Variants in FHOD3 observed in about 807,000 individuals in gnomAD.
The protein encoded by FHOD3 is FH1/FH2 domain-containing protein 3.
Under a neutral mutation model 173.0 loss-of-function variants are expected in FHOD3, and 90 were observed. The observed-to-expected ratio is 0.52, with a 90% CI of 0.44 to 0.62. The LOEUF is 0.62. Ranked by LOEUF, FHOD3 falls within the 20% of genes least tolerant of loss-of-function variation. The probability of loss-of-function intolerance (pLI) is 0.00; values close to 1 mark genes in which losing one functional copy is unlikely to be tolerated. For synonymous variants in FHOD3, 828 were observed against 823.0 expected (o/e 1.01, Z -0.10); for missense variants, 1,945 against 2,034.7 (o/e 0.96, Z 0.85).
chr18:36,590,344 A>G (rs1426443213), intron 6 of FHOD3, among the ~76,000 whole-genome samples: 3 of 152,208 alleles, frequency 2.0e-5, no homozygotes, highest in Non-Finnish European at 4.4e-5. Context: ...ACATGAGGGC[A>G]TCAGAGTAAG....
intron 24 of FHOD3, 142 bp downstream of exon 24, chr18:36,747,277 T>C: frequency 1.9e-6 from 1 of 521,972 alleles, no homozygotes; most frequent in Non-Finnish European, 3.2e-6. Context: ...GATACAGATG[T>C]TTAACAGTTT....
chr18:36,315,206 T>G (rs924239902), intron 1 of FHOD3, among the ~76,000 whole-genome samples: 3 of 152,238 alleles, frequency 2.0e-5, no homozygotes, highest in Non-Finnish European at 4.4e-5. Flanking sequence ...TTTTGAAAGA[T>G]ACCTGTGCAT....
chr18:36,652,891 C>T lies in FHOD3; in HGVS notation c.1608C>T (p.Ser536=). 6.5e-7 allele frequency: 1 copy of T among 1,535,168 alleles called. No individual in the cohort carries two copies. Among genetic ancestry groups the T allele is most frequent in the Non-Finnish European group, 8.7e-7 (1 of 1,146,096 alleles). Residue 536 remains serine, a synonymous_variant, in exon 12 of 29, where the codon TCC becomes TCT. Coordinates refer to ENST00000590592, the MANE Select transcript of FHOD3 (RefSeq NM_001281740.3). ...ATGACTTTGAGGACTCCTCCCTGTC[C>T]ACCAAGGAGAAGGAAGCAGAGTCCC... ...FSYDFEDSSL[S]TKEKEAESQK...
intron 1 of FHOD3, among the ~76,000 whole-genome samples, chr18:36,323,349 G>A (rs1200716441): frequency 6.6e-6 from 1 of 152,142 alleles, no homozygotes; most frequent in Non-Finnish European, 1.5e-5. Context: ...TATCCATAAG[G>A]CAAGAGTGCA....
chr18:36,583,873 T>TG, intron 6 of FHOD3, among the ~76,000 whole-genome samples: 1 of 152,206 alleles, frequency 6.6e-6, no homozygotes, highest in East Asian at 1.9e-4. Flanking sequence ...TCACCCAGGC[T>TG]GGAGTATAGT....
rs75776834 is a variant in FHOD3, at chr18:36,508,510, T to G, written c.406-3928T>G. 3.5e-4 allele frequency among the ~76,000 whole-genome samples: 53 copies of G among 152,282 alleles called. No homozygotes were observed. The East Asian group carries it at 7.9e-3, about 23-fold the overall frequency. On this transcript the variant is annotated intron_variant, in intron 4 of 28. Coordinates refer to ENST00000590592, the MANE Select transcript of FHOD3 (RefSeq NM_001281740.3). ...TTTCCAAAAGAACTCAGAAGCAAGTTGAAGGGTCTCCCACTGGCTGGCCAA... is the reference window on the plus strand; with the variant it reads ...TTTCCAAAAGAACTCAGAAGCAAGTGGAAGGGTCTCCCACTGGCTGGCCAA...
intron 4 of FHOD3, among the ~76,000 whole-genome samples, chr18:36,510,666 T>TA (rs2055581752): frequency 6.6e-6 from 1 of 152,270 alleles, no homozygotes; most frequent in African/African-American, 2.4e-5. Context: ...TGAGCTCATC[T>TA]AAATGTTCAC....
intron 5 of FHOD3, among the ~76,000 whole-genome samples, chr18:36,540,870 A>G (rs1311535475): frequency 2.0e-5 from 3 of 152,130 alleles, no homozygotes; most frequent in Non-Finnish European, 4.4e-5. Flanking sequence ...CCTCTTCTCC[A>G]TATTGGTGTA....
At chr18:36,556,243 G>A (rs2057878880) in intron 5 of FHOD3, among the ~76,000 whole-genome samples, 2 of 152,088 alleles carry the variant, frequency 1.3e-5, no homozygotes, top group African/African-American at 4.8e-5. Flanking sequence ...AACAATATGA[G>A]TGAACTGTGA....
chr18:36,344,099 A>G (rs1175112155), intron 1 of FHOD3, among the ~76,000 whole-genome samples: 1 of 152,204 alleles, frequency 6.6e-6, no homozygotes, highest in East Asian at 1.9e-4. Flanking sequence ...ATCTCAATAA[A>G]GCTGTTACCC....
rs1398242745 is a variant in FHOD3, at chr18:36,315,656, C to A, written c.165+17656C>A. 3.9e-5 allele frequency among the ~76,000 whole-genome samples: 6 copies of A among 152,266 alleles called. No homozygotes were observed. The East Asian group carries it at 1.2e-3, about 29-fold the overall frequency. On this transcript the variant is annotated intron_variant, in intron 1 of 28. Transcript: ENST00000590592. ...TGGCCTCACAGCAGCAATGAGGGAG[C>A]ACTTAGATCAAAGCCCAGAACCTGT...
intron 8 of FHOD3, among the ~76,000 whole-genome samples, chr18:36,611,184 G>C (rs940116400): frequency 6.6e-6 from 1 of 152,316 alleles, no homozygotes; most frequent in Non-Finnish European, 1.5e-5. Context: ...AAATTAAATT[G>C]TTACAACTCC....
chr18:36,503,238 T>C (rs1001238806), intron 4 of FHOD3, among the ~76,000 whole-genome samples: 6 of 152,194 alleles, frequency 3.9e-5, no homozygotes, highest in African/African-American at 1.2e-4. Context: ...ATAGAGAAGA[T>C]GGTTTTTGCA....
At chr18:36,298,145 C>T (rs999978231) in intron 1 of FHOD3, 145 bp downstream of exon 1, 2 of 694,994 alleles carry the variant, frequency 2.9e-6, no homozygotes, top group Non-Finnish European at 4.3e-6. Flanking sequence ...AAATCCCCCT[C>T]CCCGTTAGAC....
At chr18:36,485,351 G>T (rs1425711718) in intron 3 of FHOD3, among the ~76,000 whole-genome samples, 1 of 152,174 alleles carries the variant, frequency 6.6e-6, no homozygotes, top group Non-Finnish European at 1.5e-5. Context: ...GGCTCCCTTG[G>T]CTTAGACCTC....
At chr18:36,409,297 G>A (rs2049229195) in intron 3 of FHOD3, among the ~76,000 whole-genome samples, 1 of 152,194 alleles carries the variant, frequency 6.6e-6, no homozygotes, top group Admixed American at 6.5e-5. Context: ...AAAAGAAACA[G>A]CTCTTCTAAG....
At position 36,779,547 on chromosome 18, in the gene FHOD3, C is replaced by T; in HGVS notation, c.*17C>T. 6.2e-7 allele frequency: 1 copy of T among 1,612,834 alleles called. No individual in the cohort carries two copies. Among genetic ancestry groups the T allele is most frequent in the Non-Finnish European group, 8.5e-7 (1 of 1,178,946 alleles). ...CAGCTGTGACACTCATAGGTTACTC[C>T]CAGGAGTGTGCTGAGCAGAAGGCAA... On this transcript the variant is annotated 3_prime_UTR_variant, in exon 29 of 29. Transcript: ENST00000590592.
chr18:36,307,507 C>T (rs1360086217), intron 1 of FHOD3, among the ~76,000 whole-genome samples: 1 of 152,166 alleles, frequency 6.6e-6, no homozygotes, highest in Non-Finnish European at 1.5e-5. Context: ...GTTACCTTCC[C>T]CTGTGGTGGC....
Position 36,717,230 on chromosome 18 carries a change from G to A in FHOD3, c.2534-602G>A, listed in dbSNP as rs115522212. Among the ~76,000 whole-genome samples the A allele has an allele frequency of 2.9e-3, 436 of 152,250 alleles. 2 individuals are homozygous for A. The highest frequency in any genetic ancestry group is 9.7e-3 in the African/African-American group (401 of 41,538). On this transcript the variant is annotated intron_variant, in intron 18 of 28. Coordinates refer to ENST00000590592, the MANE Select transcript of FHOD3 (RefSeq NM_001281740.3). Reference sequence around the variant, plus strand: ...TATCTCTGAGGATGAGACGGGCTAGGAGGTTAGAGAAGAGAGGGCTATGGA... The same window carrying A: ...TATCTCTGAGGATGAGACGGGCTAGAAGGTTAGAGAAGAGAGGGCTATGGA...
Sources: allele counts gnomAD v4.1 joint callset (sites outside exome capture counted in the v4.1 genomes callset), GRCh38; gene constraint gnomAD v4.1.1; transcripts MANE v1.5; gene names NCBI Gene and HGNC (gene_info 2026-07-23, HGNC 2026-07-21).